The following ENTHD1 variants were observed in gnomAD, a reference collection of about 807,000 sequenced individuals.
ENTHD1 encodes the protein ENTH domain containing 1.
Under a neutral mutation model 39.1 loss-of-function variants are expected in ENTHD1, and 23 were observed. The ratio of observed to expected loss-of-function variants is 0.59; its 90% CI spans 0.42 to 0.83. The LOEUF (loss-of-function observed/expected upper bound fraction) is 0.83, where lower values mean the gene tolerates loss of function less well. Among genes scored for constraint, ENTHD1 ranks in the 40% least tolerant of loss-of-function variants. ENTHD1 has a pLI of 0.00. For missense variants in ENTHD1, 624 were observed against 705.4 expected (o/e 0.88, Z 1.31); for synonymous variants, 230 against 258.2 (o/e 0.89, Z 1.05).
At chr22:39,745,405 T>G (rs2065095472) in intron 6 of ENTHD1, among the ~76,000 whole-genome samples, 1 of 152,218 alleles carries the variant, frequency 6.6e-6, no homozygotes, top group South Asian at 2.1e-4. Flanking sequence ...GCTTTACATA[T>G]TCATGTCCCT....
intron 2 of ENTHD1, chr22:39,875,222 A>G (rs2066277889): frequency 1.0e-6 from 1 of 964,510 alleles, no homozygotes; most frequent in Non-Finnish European, 1.3e-6. Context: ...AAACTGAAGA[A>G]CACATACGGT....
chr22:39,856,809 C>T (rs1011639972), intron 3 of ENTHD1, among the ~76,000 whole-genome samples: 14 of 148,078 alleles, frequency 9.5e-5, no homozygotes, highest in Admixed American at 8.1e-4. Flanking sequence ...GTCATTATCA[C>T]ACCACTGCGC....
intron 2 of ENTHD1, among the ~76,000 whole-genome samples, chr22:39,863,682 A>T (rs558370732): frequency 6.6e-6 from 1 of 152,350 alleles, no homozygotes; most frequent in Non-Finnish European, 1.5e-5. Context: ...TTTCAAAAAT[A>T]AACTGAAAAG....
intron 5 of ENTHD1, among the ~76,000 whole-genome samples, chr22:39,784,053 C>CA (rs969062496): frequency 6.6e-6 from 1 of 151,168 alleles, no homozygotes; most frequent in Non-Finnish European, 1.5e-5. Context: ...AACTCATTAG[C>CA]AAAAAAAGAT....
At chr22:39,845,186 A>G (rs986572068) in intron 3 of ENTHD1, among the ~76,000 whole-genome samples, 2 of 152,062 alleles carry the variant, frequency 1.3e-5, no homozygotes, top group Non-Finnish European at 2.9e-5. Context: ...AACAACAGCC[A>G]AAGTTTATTG....
chr22:39,743,484 G>T lies in ENTHD1; in HGVS notation c.*195C>A. 1 of 550,636 alleles carries T rather than the reference G, an allele frequency of 1.8e-6. No homozygotes were observed. The highest frequency in any genetic ancestry group is 3.0e-6 in the Non-Finnish European group (1 of 335,454). 34.1% of individuals were successfully genotyped at this position (550,636 alleles called of 1,614,324 possible). A position where few individuals can be genotyped will look rare whatever the true frequency, so the allele number is the denominator to read the frequency against. ...ATATCTAAATCTGAAATTATCAAAGGTGACATCTTTCCCTTTTAAAAAATA... is the reference window on the plus strand; with the variant it reads ...ATATCTAAATCTGAAATTATCAAAGTTGACATCTTTCCCTTTTAAAAAATA... On this transcript the variant is annotated 3_prime_UTR_variant, in exon 7 of 7. Coordinates refer to ENST00000325157, the MANE Select transcript of ENTHD1 (RefSeq NM_152512.4).
intron 3 of ENTHD1, among the ~76,000 whole-genome samples, 195 bp downstream of exon 3, chr22:39,861,570 C>T (rs537979923): frequency 1.3e-5 from 2 of 151,940 alleles, no homozygotes; most frequent in South Asian, 4.2e-4. Context: ...ATAAAGCAAA[C>T]AAATAAACTT....
At chr22:39,881,737 G>A (rs1289233885) in intron 2 of ENTHD1, among the ~76,000 whole-genome samples, 1 of 152,144 alleles carries the variant, frequency 6.6e-6, no homozygotes, top group Non-Finnish European at 1.5e-5. Flanking sequence ...GGTGGCCAGG[G>A]CATATCAGTA....
At chr22:39,779,320 G>A (rs1203647111) in intron 5 of ENTHD1, among the ~76,000 whole-genome samples, 13 of 152,022 alleles carry the variant, frequency 8.6e-5, no homozygotes, top group African/African-American at 2.7e-4. Context: ...TAGCCTGGGC[G>A]ACAGAGCAAG....
chr22:39,773,117 C>CAAA lies in ENTHD1; in HGVS notation c.833-7511_833-7509dup, dbSNP rs57398699. On this transcript the variant is annotated intron_variant, in intron 5 of 6. Transcript: ENST00000325157. ...TGGGCAACATAGTGAGACCTCATCTCAAAAAAAAAAAAAAAAAAAAAAAAA... is the reference window on the plus strand; with the variant it reads ...TGGGCAACATAGTGAGACCTCATCTCAAAAAAAAAAAAAAAAAAAAAAAAAAAA... Among the ~76,000 whole-genome samples the CAAA allele has an allele frequency of 4.4e-4, 16 of 36,104 alleles. 1 individual carries two copies. The highest frequency in any genetic ancestry group is 1.2e-3 in the African/African-American group (12 of 9,730). The allele number at this position is 36,104 out of a possible 152,430, so 23.7% of individuals were successfully genotyped here.
chr22:39,803,161 C>T (rs2065612527), intron 5 of ENTHD1, among the ~76,000 whole-genome samples: 1 of 152,074 alleles, frequency 6.6e-6, no homozygotes. Context: ...TGCCATTGCC[C>T]CTGCCTGTCT....
At chr22:39,890,130 A>G (rs958083920) in intron 1 of ENTHD1, among the ~76,000 whole-genome samples, 2 of 150,518 alleles carry the variant, frequency 1.3e-5, no homozygotes, top group Admixed American at 1.3e-4. Context: ...AAATAAATAA[A>G]TAAATAAATA....
At chr22:39,857,860 A>T (rs2066107608) in intron 3 of ENTHD1, among the ~76,000 whole-genome samples, 2 of 152,224 alleles carry the variant, frequency 1.3e-5, no homozygotes, top group Non-Finnish European at 2.9e-5. Context: ...TTGCTAATTT[A>T]AAAAGGCTAA....
In ENTHD1 at chr22:39,867,891, A is replaced by C. The variant is rs2066201500; in HGVS notation, c.350-5884T>G. On this transcript the variant is annotated intron_variant, in intron 2 of 6. Transcript: ENST00000325157. The surrounding 1 kb of genome is among the most constrained non-coding windows in gnomAD (Gnocchi z 4.5). ...ATACACAGCAATAATAGACACTGCCAGTCTCAAAAACAAGATAAAAACCCC... is the reference window on the plus strand; with the variant it reads ...ATACACAGCAATAATAGACACTGCCCGTCTCAAAAACAAGATAAAAACCCC... Among the ~76,000 whole-genome samples, 1 of 152,188 alleles carries C rather than the reference A, an allele frequency of 6.6e-6. No homozygotes were observed. The highest frequency in any genetic ancestry group is 1.5e-5 in the Non-Finnish European group (1 of 68,026).
chr22:39,797,048 T>G (rs144541517), intron 5 of ENTHD1, among the ~76,000 whole-genome samples: 87 of 152,356 alleles, frequency 5.7e-4, no homozygotes, highest in African/African-American at 2.0e-3. Flanking sequence ...GGTACTCTAG[T>G]GTTGGTACAT....
intron 5 of ENTHD1, among the ~76,000 whole-genome samples, chr22:39,795,763 A>C (rs1364789999): frequency 6.6e-6 from 1 of 151,914 alleles, no homozygotes; most frequent in Non-Finnish European, 1.5e-5. Context: ...ATTGTTACTC[A>C]CTATCAGTTT....
At chr22:39,824,475 CG>C (rs1303641957) in intron 4 of ENTHD1, among the ~76,000 whole-genome samples, 1 of 151,978 alleles carries the variant, frequency 6.6e-6, no homozygotes, top group East Asian at 1.9e-4. Flanking sequence ...TCCCAAAGTG[CG>C]GGGATTACAG....
Position 39,875,584 on chromosome 22 carries a change from T to C in ENTHD1, c.349+11816A>G, listed in dbSNP as rs2066282322. The C allele has an allele frequency of 3.7e-6, 6 of 1,611,470 alleles. No homozygotes were observed. In the Admixed American group the frequency reaches 8.4e-5, roughly 22 times the overall value. ...AATACCGCCGCCTTGAAGTTTTAGATAGTACGAAGTCTTCAAGAGAAAGCA... is the reference window on the plus strand; with the variant it reads ...AATACCGCCGCCTTGAAGTTTTAGACAGTACGAAGTCTTCAAGAGAAAGCA... On this transcript the variant is annotated intron_variant, in intron 2 of 6. Transcript: ENST00000325157.
At chr22:39,822,632 G>A (rs137949974) in intron 4 of ENTHD1, among the ~76,000 whole-genome samples, 167 of 152,160 alleles carry the variant, frequency 1.1e-3, no homozygotes, top group African/African-American at 3.6e-3. Context: ...TCCTGCATAC[G>A]GATTATTTCC....
Sources: gnomAD v4.1 joint callset for allele counts (sites outside exome capture counted in the v4.1 genomes callset) on GRCh38, gnomAD v4.1.1 for gene constraint, Gnocchi (gnomAD v3.1) non-coding constraint, MANE v1.5 for transcripts, NCBI Gene and HGNC (gene_info 2026-07-23, HGNC 2026-07-21) for gene names.